TOP3B: variants seen among roughly 807,000 people sequenced by gnomAD.
TOP3B encodes DNA topoisomerase 3-beta-1.
TOP3B carries 45 observed loss-of-function variants against 93.9 expected under a neutral mutation model. The ratio of observed to expected loss-of-function variants is 0.48; its 90% CI spans 0.38 to 0.61. The LOEUF (loss-of-function observed/expected upper bound fraction) is 0.61, where lower values mean the gene tolerates loss of function less well. TOP3B is among the 20% of genes least tolerant of loss of function. TOP3B has a pLI of 0.00. For synonymous variants in TOP3B, 357 were observed against 472.6 expected (o/e 0.76, Z 3.17); for missense variants, 750 against 1,156.1 (o/e 0.65, Z 5.09).
chr22:21,959,523 G>C (rs2071074426), intron 15 of TOP3B, 64 bp downstream of exon 15: 1 of 1,537,070 alleles, frequency 6.5e-7, no homozygotes, highest in Non-Finnish European at 8.8e-7. Context: ...TGGGTCCCCA[G>C]GTACTGGCCT....
At chr22:21,967,783 G>C in intron 7 of TOP3B, 67 bp from the exon 8 acceptor site, 1 of 1,243,120 alleles carries the variant, frequency 8.0e-7, no homozygotes, top group Non-Finnish European at 1.2e-6. Context: ...ACGCCAGGAA[G>C]AACCAGGACA....
chr22:21,958,029 C>G (rs1179423465), intron 17 of TOP3B: 1 of 1,317,558 alleles, frequency 7.6e-7, no homozygotes, highest in East Asian at 4.8e-5. Context: ...GCAGAGCACA[C>G]GGTGAATGTG....
In TOP3B at chr22:21,970,630, G is replaced by C; in HGVS notation, c.385-224C>G. Reference sequence around the variant, plus strand: ...AGCACTCCACAACACCCCACCACATGGCTTCCTTTACTCCCATCTAGAAAC... The same window carrying C: ...AGCACTCCACAACACCCCACCACATCGCTTCCTTTACTCCCATCTAGAAAC... On this transcript the variant is annotated intron_variant, in intron 5 of 17. Transcript: ENST00000357179. The surrounding 1 kb of genome is among the most constrained non-coding windows in gnomAD (Gnocchi z 4.4). 1 of 576,440 alleles carries C rather than the reference G, an allele frequency of 1.7e-6. No individual in the cohort carries two copies. Among genetic ancestry groups the C allele is most frequent in the Non-Finnish European group, 3.1e-6 (1 of 322,494 alleles). The allele number at this position is 576,440 out of a possible 1,614,324, so 35.7% of individuals were successfully genotyped here.
At chr22:21,960,533 C>A in intron 13 of TOP3B, 84 bp from the exon 14 acceptor site, 2 of 1,572,388 alleles carry the variant, frequency 1.3e-6, no homozygotes, top group Non-Finnish European at 1.7e-6. Flanking sequence ...GTCACGGGGC[C>A]CCTGGTGCTC....
rs11089841 is a variant in TOP3B at position 21,970,016 on chromosome 22, T to C, written c.581+194A>G. The C allele has an allele frequency of 0.11, 62,211 of 551,066 alleles. 3,723 individuals carry two copies. Among genetic ancestry groups the C allele is most frequent in the African/African-American group, 0.14 (7,366 of 52,730 alleles). The allele number at this position is 551,066 out of a possible 1,614,324, so 34.1% of individuals were successfully genotyped here. ...AACTGCCAACCTCAAGCAATCCTCC[T>C]ATCCTGGTCTCCCAAAGTGCAGGGA... On this transcript the variant is annotated intron_variant, in intron 6 of 17. Coordinates refer to ENST00000357179, the MANE Select transcript of TOP3B (RefSeq NM_001282112.2). This position sits in a 1 kb window ranked among gnomAD's most constrained non-coding sequence, Gnocchi z 4.4.
intron 1 of TOP3B, 108 bp from the exon 2 acceptor site, chr22:21,975,915 A>C: frequency 1.4e-6 from 1 of 729,610 alleles, no homozygotes; most frequent in Non-Finnish European, 1.9e-6. Flanking sequence ...CTGAGGCAAG[A>C]AGAAGAAAAA....
In TOP3B at chr22:21,965,344, T is replaced by C. The variant is rs2071373999; in HGVS notation, c.884A>G (p.Lys295Arg). 1.9e-6 allele frequency: 3 copies of C among 1,608,130 alleles called. No homozygotes were observed. The highest frequency in any genetic ancestry group is 3.4e-5 in the Admixed American group (2 of 59,380). The part of the protein sequence containing the change: ...VEATSRKEKA[K>R]QRPLALNTVE... ...AGTGTTCAGGGCCAGGGGCCTCTGCTTGGCCTTTTCTTTCCTGCTTGTGGC... is the reference window on the plus strand; with the variant it reads ...AGTGTTCAGGGCCAGGGGCCTCTGCCTGGCCTTTTCTTTCCTGCTTGTGGC... Residue 295 changes from lysine (K) to arginine (R), a missense_variant, in exon 9 of 18, where the codon AAG (lysine) becomes AGG (arginine). Around this residue, in one of 4 missense-constraint regions of TOP3B, gnomAD observed 737 missense variants for 933.7 expected, o/e 0.79. Coordinates refer to ENST00000357179, the MANE Select transcript of TOP3B (RefSeq NM_001282112.2).
intron 17 of TOP3B, 91 bp downstream of exon 17, chr22:21,958,401 T>A (rs1430030057): frequency 6.3e-7 from 1 of 1,592,708 alleles, no homozygotes; most frequent in Non-Finnish European, 8.6e-7. Flanking sequence ...GGGTGAGGGG[T>A]CCCCTCAGAG....
chr22:21,962,269 T>C (rs2071215393), intron 13 of TOP3B, 160 bp downstream of exon 13: 1 of 1,583,694 alleles, frequency 6.3e-7, no homozygotes, highest in East Asian at 2.3e-5. Flanking sequence ...GCTGTGGACC[T>C]GCCTGGCTGG....
chr22:21,960,313 G>T lies in TOP3B; in HGVS notation c.1654+8C>A. The T allele has an allele frequency of 6.2e-7, 1 of 1,613,328 alleles. No individual in the cohort carries two copies. Among genetic ancestry groups the T allele is most frequent in the Non-Finnish European group, 8.5e-7 (1 of 1,179,896 alleles). On this transcript the variant is annotated splice_region_variant and intron_variant, in intron 14 of 17. Transcript: ENST00000357179. ...GGTGGGCCCTGGGGGCAGGACTGAG[G>T]AACTCACCAATCTTATAGTAGCCGT...
rs763828484 is a variant in TOP3B at position 21,964,014 on chromosome 22, T to A, written c.1113A>T (p.Leu371Phe). ...TCCGCGGGCGGTTGATACCTTCTGC[T>A]AACAACCGCTTCACCTGAGGGAGAG... Reference protein sequence around the residue: ...PYWADTVKRLLAEGINRPRKG... With the variant: ...PYWADTVKRLFAEGINRPRKG... The change falls in exon 11 of 18, where the codon TTA becomes TTT. Residue 371 changes from leucine to phenylalanine, a missense_variant. Around this residue, in one of 4 missense-constraint regions of TOP3B, gnomAD observed 737 missense variants for 933.7 expected, o/e 0.79. Coordinates refer to ENST00000357179, the MANE Select transcript of TOP3B (RefSeq NM_001282112.2). 6.2e-7 allele frequency: 1 copy of A among 1,608,664 alleles called. No individual in the cohort carries two copies. The highest frequency in any genetic ancestry group is 2.2e-5 in the East Asian group (1 of 44,830).
At chr22:21,974,267 C>T in intron 3 of TOP3B, 90 bp downstream of exon 3, 1 of 1,491,094 alleles carries the variant, frequency 6.7e-7, no homozygotes, top group Non-Finnish European at 9.0e-7. Context: ...GACAAACTTC[C>T]CTGCCTAGAG....
rs1482483281 is a variant in TOP3B, at chr22:21,959,587, C to G, written c.1804G>C (p.Gly602Arg). ...KFHYFVDSIA[G>R]MDELMEVSFS... is the part of the protein sequence containing the mutation. Reference sequence around the variant, plus strand: ...GGGGCAGGCCAGAGGCAGACTCTACCAGCAATGGAGTCGACAAAGTAGTGG... The same window carrying G: ...GGGGCAGGCCAGAGGCAGACTCTACGAGCAATGGAGTCGACAAAGTAGTGG... The change falls in exon 15 of 18, where the codon GGC becomes CGC. Residue 602 changes from glycine (G) to arginine (R), a missense_variant and splice_region_variant. By Grantham distance (125) the Gly-to-Arg change is moderately radical (BLOSUM62 -2). Around this residue, in one of 4 missense-constraint regions of TOP3B, gnomAD observed 737 missense variants for 933.7 expected, o/e 0.79. Transcript: ENST00000357179. 6.2e-7 allele frequency: 1 copy of G among 1,607,132 alleles called. No individual in the cohort carries two copies. The highest frequency in any genetic ancestry group is 1.1e-5 in the South Asian group (1 of 90,288).
At chr22:21,972,757 C>T (rs1358856060) in intron 3 of TOP3B, 39 bp from the exon 4 acceptor site, 2 of 1,545,120 alleles carry the variant, frequency 1.3e-6, no homozygotes, top group African/African-American at 1.4e-5. Context: ...CACAGGAGCT[C>T]AGCCTCCGAG....
chr22:21,972,362 C>T, intron 4 of TOP3B: 1 of 476,834 alleles, frequency 2.1e-6, no homozygotes, highest in Non-Finnish European at 3.7e-6. Flanking sequence ...GAAAAACCCC[C>T]CGACCAAACA....
Position 21,970,750 on chromosome 22 carries a change from G to A in TOP3B, c.385-344C>T. ...GAAATGCTACTGCCAAGTACATGAG[G>A]GACCTCTTAGTCCCCAAACCCATCC... On this transcript the variant is annotated intron_variant, in intron 5 of 17. Coordinates refer to ENST00000357179, the MANE Select transcript of TOP3B (RefSeq NM_001282112.2). This position sits in a 1 kb window ranked among gnomAD's most constrained non-coding sequence, Gnocchi z 4.4. 6.0e-6 allele frequency: 2 copies of A among 334,748 alleles called. No individual in the cohort carries two copies. The highest frequency in any genetic ancestry group is 1.2e-5 in the Non-Finnish European group (2 of 172,210). The allele number at this position is 334,748 out of a possible 1,614,324, so 20.7% of individuals were successfully genotyped here.
At chr22:21,965,712 C>T (rs1243373004) in intron 8 of TOP3B, 1 of 164,628 alleles carries the variant, frequency 6.1e-6, no homozygotes, top group East Asian at 1.8e-4. Context: ...ACTAAAAATA[C>T]AAACATTAGC....
At chr22:21,958,904 C>T in intron 16 of TOP3B, 1 of 1,047,526 alleles carries the variant, frequency 9.5e-7, no homozygotes, top group Non-Finnish European at 1.3e-6. Flanking sequence ...CCCATGATGG[C>T]AAGTGGCATG....
At position 21,971,081 on chromosome 22, in the gene TOP3B, T is replaced by C. The variant is rs1248514758; in HGVS notation, c.385-675A>G. 7.7e-7 allele frequency: 1 copy of C among 1,301,104 alleles called. No homozygotes were observed. The allele number at this position is 1,301,104 out of a possible 1,614,324, so 80.6% of individuals were successfully genotyped here. On this transcript the variant is annotated intron_variant, in intron 5 of 17. Coordinates refer to ENST00000357179, the MANE Select transcript of TOP3B (RefSeq NM_001282112.2). The surrounding 1 kb of genome is among the most constrained non-coding windows in gnomAD (Gnocchi z 4.6). ...TCATTTCTGAAGGGAGAAAGCCCCA[T>C]GAGCTGCCCCCATTCTCCATTCCCA...
Sources: allele counts gnomAD v4.1 joint callset, GRCh38; gene constraint gnomAD v4.1.1; regional missense constraint gnomAD v4.1.1; non-coding constraint Gnocchi (gnomAD v3.1); transcripts MANE v1.5; gene names NCBI Gene and HGNC (gene_info 2026-07-23, HGNC 2026-07-21).